Variants in MGAT4C observed in about 807,000 individuals in gnomAD.
MGAT4C encodes MGAT4 family member C.
A neutral mutation model predicts 40.1 loss-of-function variants in MGAT4C; 19 were observed. That is an observed-to-expected ratio of 0.47 (90% CI 0.33 to 0.70). The LOEUF is 0.70. MGAT4C is among the 30% of genes least tolerant of loss of function. MGAT4C has a pLI of 0.02. For missense variants in MGAT4C, 491 were observed against 563.2 expected, an observed-to-expected ratio of 0.87 and a Z score of 1.30; for synonymous variants, 181 against 187.1, an observed-to-expected ratio of 0.97 and a Z score of 0.27.
At chr12:86,191,292 T>G (rs1889427389) in intron 1 of MGAT4C, among the ~76,000 whole-genome samples, 2 of 152,018 alleles carry the variant, frequency 1.3e-5, no homozygotes, top group Non-Finnish European at 2.9e-5. Flanking sequence ...AAGGTACCAA[T>G]GGCTCTATTT....
intron 1 of MGAT4C, among the ~76,000 whole-genome samples, chr12:86,138,521 G>T (rs839141): frequency 0.24 from 3,787 of 15,856 alleles, 172 homozygotes; most frequent in East Asian, 0.56. Context: ...TATTTCCATA[G>T]ATATATCATG....
intron 2 of MGAT4C, among the ~76,000 whole-genome samples, chr12:86,458,440 T>C (rs940611702): frequency 2.0e-5 from 3 of 152,184 alleles, no homozygotes; most frequent in Non-Finnish European, 2.9e-5. Flanking sequence ...ACCTCAGCTA[T>C]GTTCCTTTGG....
intron 4 of MGAT4C, among the ~76,000 whole-genome samples, chr12:86,292,847 T>C (rs985125151): frequency 6.6e-6 from 1 of 152,104 alleles, no homozygotes; most frequent in Non-Finnish European, 1.5e-5. Flanking sequence ...TGTTTTTTTT[T>C]TTTTTAAACC....
chr12:86,716,510 A>C (rs191048181), intron 2 of MGAT4C, among the ~76,000 whole-genome samples: 1 of 152,268 alleles, frequency 6.6e-6, no homozygotes, highest in East Asian at 1.9e-4. Flanking sequence ...GTAAAAGGGT[A>C]AATGTACTGG....
At chr12:86,113,281 A>C (rs1877777436) in intron 1 of MGAT4C, among the ~76,000 whole-genome samples, 1 of 151,848 alleles carries the variant, frequency 6.6e-6, no homozygotes, top group Non-Finnish European at 1.5e-5. Flanking sequence ...ATCTTTAAGA[A>C]TTATCAAGAG....
At chr12:86,292,969 T>C (rs1328444486) in intron 4 of MGAT4C, among the ~76,000 whole-genome samples, 1 of 152,004 alleles carries the variant, frequency 6.6e-6, no homozygotes, top group African/African-American at 2.4e-5. Flanking sequence ...TTTGACATAA[T>C]TGAAAAAATG....
intron 2 of MGAT4C, among the ~76,000 whole-genome samples, chr12:86,040,800 T>G (rs7971447): frequency 0.2 from 30,259 of 152,148 alleles, 3,704 homozygotes; most frequent in Non-Finnish European, 0.28. Context: ...TTTTGTGCTG[T>G]AATCCGAGGA....
intron 1 of MGAT4C, among the ~76,000 whole-genome samples, chr12:86,182,670 T>C (rs1888257971): frequency 6.6e-6 from 1 of 152,162 alleles, no homozygotes. Context: ...TTCCTTTCTT[T>C]CTGCATGACC....
At chr12:86,440,154 A>G (rs1957201957) in intron 2 of MGAT4C, among the ~76,000 whole-genome samples, 1 of 152,076 alleles carries the variant, frequency 6.6e-6, no homozygotes, top group Non-Finnish European at 1.5e-5. Flanking sequence ...TAACAAAGAC[A>G]GGGAATAACA....
chr12:86,043,262 C>T (rs1000580773), intron 2 of MGAT4C, among the ~76,000 whole-genome samples: 2 of 152,032 alleles, frequency 1.3e-5, no homozygotes, highest in African/African-American at 2.4e-5. Context: ...AAGGTGAAGT[C>T]CCACAATAGG....
At chr12:86,700,055 G>GATAGATAGATAGATAGATAA (rs1326075310) in intron 2 of MGAT4C, among the ~76,000 whole-genome samples, 9 of 151,786 alleles carry the variant, frequency 5.9e-5, no homozygotes, top group Non-Finnish European at 1.2e-4. Flanking sequence ...TAGATAGATA[G>GATAGATAGATAGATAGATAA]ATAGATAGAT....
chr12:86,451,611 C>G (rs1957425935), intron 2 of MGAT4C, among the ~76,000 whole-genome samples: 1 of 151,994 alleles, frequency 6.6e-6, no homozygotes, highest in Admixed American at 6.6e-5. Context: ...AAAAATTATT[C>G]ACAAGTGGCT....
chr12:86,189,745 T>TCTTTGAAA, intron 1 of MGAT4C, among the ~76,000 whole-genome samples: 1 of 152,086 alleles, frequency 6.6e-6, no homozygotes, highest in South Asian at 2.1e-4. Context: ...AAACAAAAAC[T>TCTTTGAAA]AAAAACCAAA....
chr12:86,249,205 C>T (rs1158182788), intron 1 of MGAT4C, among the ~76,000 whole-genome samples: 1 of 152,086 alleles, frequency 6.6e-6, no homozygotes, highest in Non-Finnish European at 1.5e-5. Flanking sequence ...TTCATGTTTG[C>T]TCAAGTTCAT....
intron 1 of MGAT4C, among the ~76,000 whole-genome samples, chr12:86,237,640 T>C (rs1442447060): frequency 6.6e-6 from 1 of 151,898 alleles, no homozygotes. Context: ...AGAGATAATG[T>C]CATACAGATG....
chr12:86,703,415 T>C (rs1950397897), intron 2 of MGAT4C, among the ~76,000 whole-genome samples: 1 of 152,174 alleles, frequency 6.6e-6, no homozygotes. Flanking sequence ...CATTGTTTTT[T>C]GATTTTAAGA....
intron 2 of MGAT4C, among the ~76,000 whole-genome samples, chr12:86,530,769 A>G (rs1958967876): frequency 6.6e-6 from 1 of 152,072 alleles, no homozygotes; most frequent in Non-Finnish European, 1.5e-5. Flanking sequence ...GAATCCAATG[A>G]AAGAAGAAAC....
At chr12:86,120,830 G>A (rs1001493826) in intron 1 of MGAT4C, among the ~76,000 whole-genome samples, 5 of 152,174 alleles carry the variant, frequency 3.3e-5, no homozygotes, top group Non-Finnish European at 7.3e-5. Flanking sequence ...AAATCAGAGC[G>A]CCTCTTCTCC....
At chr12:86,519,699 T>C (rs1189588435) in intron 2 of MGAT4C, among the ~76,000 whole-genome samples, 1 of 152,176 alleles carries the variant, frequency 6.6e-6, no homozygotes, top group Non-Finnish European at 1.5e-5. Flanking sequence ...CATTTGTGTA[T>C]CTTCTTTTGA....
Sources: allele counts gnomAD v4.1 joint callset (sites outside exome capture counted in the v4.1 genomes callset), GRCh38; gene constraint gnomAD v4.1.1; transcripts MANE v1.5; gene names NCBI Gene and HGNC (gene_info 2026-07-23, HGNC 2026-07-21).